Variants in ERBB4 observed in about 807,000 individuals in gnomAD.
ERBB4 encodes erb-b2 receptor tyrosine kinase 4.
Under a neutral mutation model 158.0 loss-of-function variants are expected in ERBB4, and 42 were observed. The ratio of observed to expected loss-of-function variants is 0.27; its 90% CI spans 0.21 to 0.34. ERBB4 has a LOEUF of 0.34. Among genes scored for constraint, ERBB4 ranks in the 10% least tolerant of loss-of-function variants. The pLI is 1.00. For synonymous variants in ERBB4, 583 were observed against 558.7 expected (o/e 1.04, Z -0.61); for missense variants, 1,333 against 1,624.1 (o/e 0.82, Z 3.08).
intron 1 of ERBB4, among the ~76,000 whole-genome samples, chr2:212,505,086 T>A (rs2106255120): frequency 6.6e-6 from 1 of 152,214 alleles, no homozygotes; most frequent in South Asian, 2.1e-4. Flanking sequence ...TTGTTTTTGT[T>A]TCTTTTGTTT....
intron 16 of ERBB4, among the ~76,000 whole-genome samples, chr2:211,645,108 T>C (rs992684991): frequency 2.6e-5 from 4 of 151,792 alleles, no homozygotes; most frequent in African/African-American, 9.7e-5. Context: ...ATGTTAGTAT[T>C]TAGCTATTTG....
intron 15 of ERBB4, among the ~76,000 whole-genome samples, chr2:211,662,038 C>CAAAAAAAAAAAAAAAAA (rs61318918): frequency 7.6e-5 from 3 of 39,708 alleles, no homozygotes; most frequent in African/African-American, 8.6e-5. Context: ...GACTCCGTCT[C>CAAAAAAAAAAAAAAAAA]AAAAAAAAAA....
At chr2:211,581,655 A>C (rs1483897202) in intron 19 of ERBB4, among the ~76,000 whole-genome samples, 1 of 151,970 alleles carries the variant, frequency 6.6e-6, no homozygotes. Context: ...CATCATTCCC[A>C]CAGTTGGTTG....
chr2:211,982,578 C>T (rs1329176807), intron 2 of ERBB4, among the ~76,000 whole-genome samples: 1 of 152,154 alleles, frequency 6.6e-6, no homozygotes, highest in Admixed American at 6.6e-5. Context: ...AAGCCACTGT[C>T]AGTAAAAATT....
intron 1 of ERBB4, among the ~76,000 whole-genome samples, chr2:212,476,327 T>C (rs1423686629): frequency 6.6e-6 from 1 of 152,168 alleles, no homozygotes; most frequent in Non-Finnish European, 1.5e-5. Flanking sequence ...ATTCTATCAC[T>C]AGTATACCTA....
At chr2:212,302,533 C>T (rs2086660224) in intron 1 of ERBB4, among the ~76,000 whole-genome samples, 1 of 151,414 alleles carries the variant, frequency 6.6e-6, no homozygotes, top group Admixed American at 6.6e-5. Flanking sequence ...TTTATTACCT[C>T]ATATAATTGC....
chr2:212,277,923 C>G (rs1311587302), intron 1 of ERBB4, among the ~76,000 whole-genome samples: 1 of 151,130 alleles, frequency 6.6e-6, no homozygotes, highest in African/African-American at 2.4e-5. Flanking sequence ...TATTTTAAAC[C>G]ATTGCAATAT....
At chr2:212,283,416 G>C (rs984027058) in intron 1 of ERBB4, among the ~76,000 whole-genome samples, 12 of 151,940 alleles carry the variant, frequency 7.9e-5, no homozygotes, top group African/African-American at 2.9e-4. Context: ...CTGTGAGGTA[G>C]ATAGTAATTA....
intron 4 of ERBB4, among the ~76,000 whole-genome samples, 188 bp from the exon 5 acceptor site, chr2:211,750,892 A>G (rs1279165403): frequency 2.0e-5 from 3 of 152,228 alleles, no homozygotes; most frequent in Admixed American, 1.3e-4. Flanking sequence ...ATGTGAAACT[A>G]AAGTACAACC....
chr2:212,030,029 A>G (rs2076865151), intron 2 of ERBB4, among the ~76,000 whole-genome samples: 2 of 152,104 alleles, frequency 1.3e-5, no homozygotes, highest in Non-Finnish European at 2.9e-5. Context: ...CATAAATAGC[A>G]CTTGTTGGGC....
chr2:212,317,410 G>C (rs1335192765), intron 1 of ERBB4, among the ~76,000 whole-genome samples: 1 of 151,458 alleles, frequency 6.6e-6, no homozygotes, highest in Non-Finnish European at 1.5e-5. Flanking sequence ...GGAATCACTT[G>C]AACAGCTGGT....
At chr2:212,476,641 G>A (rs1689420061) in intron 1 of ERBB4, among the ~76,000 whole-genome samples, 2 of 152,140 alleles carry the variant, frequency 1.3e-5, no homozygotes, top group South Asian at 4.1e-4. Context: ...TTGAGCAGAT[G>A]AGAATTTAAG....
At chr2:212,404,050 T>C (rs577111797) in intron 1 of ERBB4, among the ~76,000 whole-genome samples, 5 of 152,086 alleles carry the variant, frequency 3.3e-5, no homozygotes, top group African/African-American at 1.2e-4. Flanking sequence ...AGCCATCATT[T>C]TTAAGTAACC....
intron 1 of ERBB4, among the ~76,000 whole-genome samples, chr2:212,193,397 G>A (rs568592167): frequency 3.2e-4 from 48 of 152,166 alleles, no homozygotes; most frequent in Admixed American, 1.3e-3. Context: ...TTAATTAAAG[G>A]TAGACTATCT....
chr2:212,325,578 T>G (rs570329817), intron 1 of ERBB4, among the ~76,000 whole-genome samples: 9 of 150,896 alleles, frequency 6.0e-5, no homozygotes, highest in African/African-American at 1.9e-4. Flanking sequence ...CATAAATGCA[T>G]TCTTGTTTAG....
intron 20 of ERBB4, among the ~76,000 whole-genome samples, chr2:211,443,429 G>A (rs752877019): frequency 2.6e-5 from 4 of 151,860 alleles, no homozygotes; most frequent in African/African-American, 7.3e-5. Flanking sequence ...AAATGCTATC[G>A]GTTTTCCCAC....
At chr2:212,168,623 G>A (rs1192270581) in intron 1 of ERBB4, among the ~76,000 whole-genome samples, 1 of 152,098 alleles carries the variant, frequency 6.6e-6, no homozygotes, top group Non-Finnish European at 1.5e-5. Context: ...CGCAATAGAT[G>A]AAGAAAAACA....
intron 1 of ERBB4, among the ~76,000 whole-genome samples, chr2:212,228,454 C>G (rs1319427862): frequency 6.6e-6 from 1 of 152,128 alleles, no homozygotes; most frequent in Non-Finnish European, 1.5e-5. Context: ...ATTAAAATCA[C>G]ATATTTCCAA....
At chr2:212,076,870 G>T (rs2078290836) in intron 2 of ERBB4, among the ~76,000 whole-genome samples, 2 of 151,610 alleles carry the variant, frequency 1.3e-5, no homozygotes, top group African/African-American at 2.4e-5. Flanking sequence ...CCACCGAAAG[G>T]GTACATATAT....
Sources: gnomAD v4.1 joint callset for allele counts (sites outside exome capture counted in the v4.1 genomes callset) on GRCh38, gnomAD v4.1.1 for gene constraint, MANE v1.5 for transcripts, NCBI Gene and HGNC (gene_info 2026-07-23, HGNC 2026-07-21) for gene names.